Variants in ANKRD44 observed in about 807,000 individuals in gnomAD.
ANKRD44 encodes ankyrin repeat domain 44.
A neutral mutation model predicts 116.0 loss-of-function variants in ANKRD44; 35 were observed. The observed-to-expected ratio is 0.30, with a 90% CI of 0.23 to 0.40. The LOEUF is 0.40. Ranked by LOEUF, ANKRD44 falls within the 10% of genes least tolerant of loss-of-function variation. ANKRD44 has a pLI of 1.00. For missense variants in ANKRD44, 1,014 were observed against 1,242.6 expected, an observed-to-expected ratio of 0.82 and a Z score of 2.77; for synonymous variants, 435 against 461.8, an observed-to-expected ratio of 0.94 and a Z score of 0.74.
At chr2:197,249,089 A>T (rs1032582058) in intron 1 of ANKRD44, among the ~76,000 whole-genome samples, 2 of 152,096 alleles carry the variant, frequency 1.3e-5, no homozygotes, top group African/African-American at 4.8e-5. Flanking sequence ...TGGGAAACAC[A>T]GTGAGACCCC....
chr2:197,126,487 G>C lies in ANKRD44; in HGVS notation c.262-450C>G, dbSNP rs1417743438. On this transcript the variant is annotated intron_variant, in intron 4 of 27. Transcript: ENST00000282272. The stretch of plus-strand genomic sequence containing the variant: ...GATCAATAAGTGGTCAAGACGGGAA[G>C]TAACATCTCTGTTACCATCTCAACT... Among the ~76,000 whole-genome samples, 6 of 152,346 alleles carry C rather than the reference G, an allele frequency of 3.9e-5. No homozygotes were observed. The Middle Eastern group carries it at 0.01, about 259-fold the overall frequency.
At chr2:197,093,530 C>A (rs997793680) in intron 10 of ANKRD44, among the ~76,000 whole-genome samples, 4 of 152,076 alleles carry the variant, frequency 2.6e-5, no homozygotes, top group Non-Finnish European at 4.4e-5. Flanking sequence ...TAAAAAGTTA[C>A]TACTTCAGTG....
intron 1 of ANKRD44, among the ~76,000 whole-genome samples, chr2:197,221,411 G>A (rs772417819): frequency 5.3e-5 from 8 of 152,130 alleles, no homozygotes; most frequent in Non-Finnish European, 1.2e-4. Flanking sequence ...CTGAGTAGCT[G>A]AGACTACAGG....
chr2:197,072,450 T>C (rs928496380), intron 16 of ANKRD44, among the ~76,000 whole-genome samples: 1 of 152,180 alleles, frequency 6.6e-6, no homozygotes, highest in South Asian at 2.1e-4. Flanking sequence ...TGGAAAGTAA[T>C]CAAATCTAAA....
intron 16 of ANKRD44, among the ~76,000 whole-genome samples, chr2:197,036,761 C>T (rs749524244): frequency 3.0e-4 from 45 of 152,166 alleles, no homozygotes; most frequent in Admixed American, 2.1e-3. Flanking sequence ...AAAATAGATC[C>T]GAATGCAACA....
intron 2 of ANKRD44, among the ~76,000 whole-genome samples, chr2:197,153,920 T>C (rs1205508036): frequency 1.4e-4 from 21 of 152,002 alleles, no homozygotes; most frequent in Non-Finnish European, 2.4e-4. Context: ...TTTTAATTCT[T>C]CAAACCACTA....
At chr2:197,112,150 T>A (rs530759499) in intron 8 of ANKRD44, among the ~76,000 whole-genome samples, 1 of 152,208 alleles carries the variant, frequency 6.6e-6, no homozygotes, top group Non-Finnish European at 1.5e-5. Flanking sequence ...ATAGAGAGAA[T>A]GTATTTTCAT....
intron 1 of ANKRD44, among the ~76,000 whole-genome samples, chr2:197,300,045 T>A (rs571933678): frequency 1.3e-5 from 2 of 152,338 alleles, no homozygotes; most frequent in African/African-American, 4.8e-5. Context: ...CACCTTACTT[T>A]AATGCTTCAA....
chr2:197,142,816 A>G (rs2125413212), intron 3 of ANKRD44, among the ~76,000 whole-genome samples: 1 of 152,204 alleles, frequency 6.6e-6, no homozygotes, highest in South Asian at 2.1e-4. Flanking sequence ...TTTTGGGAAT[A>G]ATTTTGCAGG....
intron 17 of ANKRD44, among the ~76,000 whole-genome samples, chr2:197,014,162 T>C (rs952034987): frequency 1.3e-5 from 2 of 152,318 alleles, no homozygotes; most frequent in Middle Eastern, 3.4e-3. Flanking sequence ...TTGTGGACTT[T>C]GAGATACAAC....
chr2:197,308,172 C>CAA (rs765233263), intron 1 of ANKRD44, among the ~76,000 whole-genome samples: 59 of 63,026 alleles, frequency 9.4e-4, no homozygotes, highest in South Asian at 2.0e-3. Context: ...CACACACACA[C>CAA]AAAAAAAAAA....
At chr2:197,002,066 G>A (rs528585514) in intron 21 of ANKRD44, among the ~76,000 whole-genome samples, 1 of 152,288 alleles carries the variant, frequency 6.6e-6, no homozygotes, top group South Asian at 2.1e-4. Context: ...CATATGGTCT[G>A]GTGAAGAGAG....
At chr2:197,157,395 C>G (rs2079845996) in intron 2 of ANKRD44, among the ~76,000 whole-genome samples, 1 of 152,178 alleles carries the variant, frequency 6.6e-6, no homozygotes, top group Admixed American at 6.5e-5. Context: ...GCACAACCAG[C>G]CAGGCGCAGT....
chr2:197,000,601 G>A, intron 22 of ANKRD44, 99 bp from the exon 23 acceptor site: 2 of 984,168 alleles, frequency 2.0e-6, no homozygotes, highest in Non-Finnish European at 3.1e-6. Context: ...ACAATCTGAA[G>A]CATTTAAAAA....
chr2:197,308,169 A>T (rs2084129840), intron 1 of ANKRD44, among the ~76,000 whole-genome samples: 1 of 144,052 alleles, frequency 6.9e-6, no homozygotes, highest in Non-Finnish European at 1.5e-5. Context: ...ACACACACAC[A>T]CACAAAAAAA....
chr2:197,302,258 C>G (rs1285463137), intron 1 of ANKRD44: 1 of 152,388 alleles, frequency 6.6e-6, no homozygotes, highest in Non-Finnish European at 1.5e-5. Context: ...AGTTTTTGAG[C>G]AGGAGTGACA....
intron 1 of ANKRD44, among the ~76,000 whole-genome samples, chr2:197,198,449 C>T (rs997411321): frequency 2.6e-5 from 4 of 152,064 alleles, no homozygotes; most frequent in Non-Finnish European, 5.9e-5. Flanking sequence ...GATGGAGTAC[C>T]GCTCAGTTGT....
chr2:197,173,814 C>A (rs2080297481), intron 2 of ANKRD44, among the ~76,000 whole-genome samples: 1 of 152,122 alleles, frequency 6.6e-6, no homozygotes, highest in African/African-American at 2.4e-5. Flanking sequence ...GGGTGGATCA[C>A]CTGAGGTCAG....
chr2:197,273,271 A>C (rs755474483), intron 1 of ANKRD44, among the ~76,000 whole-genome samples: 30 of 152,216 alleles, frequency 2.0e-4, no homozygotes, highest in Non-Finnish European at 7.3e-5. Context: ...TCTGATAGAC[A>C]ACAAGCTCCT....
Sources: allele counts gnomAD v4.1 joint callset (sites outside exome capture counted in the v4.1 genomes callset), GRCh38; gene constraint gnomAD v4.1.1; transcripts MANE v1.5; gene names NCBI Gene and HGNC (gene_info 2026-07-23, HGNC 2026-07-21).